ANO2: variants seen among roughly 807,000 people sequenced by gnomAD.
The protein encoded by ANO2 is anoctamin 2, also known as anoctamin-2.
ANO2 carries 101 observed loss-of-function variants against 124.2 expected under a neutral mutation model. The observed-to-expected ratio is 0.81, with a 90% CI of 0.69 to 0.96. The LOEUF is 0.96. ANO2 is among the 40% of genes least tolerant of loss of function. ANO2 has a pLI of 0.00. For synonymous variants in ANO2, 486 were observed against 482.5 expected (o/e 1.01, Z -0.09); for missense variants, 1,293 against 1,274.5 (o/e 1.01, Z -0.22).
intron 14 of ANO2, among the ~76,000 whole-genome samples, chr12:5,656,780 C>G (rs1381902958): frequency 2.0e-5 from 3 of 152,228 alleles, no homozygotes; most frequent in African/African-American, 4.8e-5. Flanking sequence ...TAGCATTTAA[C>G]CAGCCTCACT....
rs1224214975 is a variant in ANO2, at chr12:5,612,780, G to T, written c.1987-24C>A. ...CACTGCAGGGAGAAGATAAGGAAAGGACCGGTTAGAACAAAAGGGAGCTCT... is the reference window on the plus strand; with the variant it reads ...CACTGCAGGGAGAAGATAAGGAAAGTACCGGTTAGAACAAAAGGGAGCTCT... On this transcript the variant is annotated intron_variant, in intron 18 of 24. Transcript: ENST00000682330. 4 of 1,612,746 alleles carry T rather than the reference G, an allele frequency of 2.5e-6. No homozygotes were observed. In the South Asian group the frequency reaches 4.4e-5, roughly 18 times the overall value.
chr12:5,771,167 A>G (rs1952068227), intron 10 of ANO2, among the ~76,000 whole-genome samples: 1 of 152,226 alleles, frequency 6.6e-6, no homozygotes, highest in African/African-American at 2.4e-5. Flanking sequence ...GGTGCATAGC[A>G]GTGGCTTAAT....
chr12:5,725,227 G>T (rs111704509), intron 14 of ANO2, among the ~76,000 whole-genome samples: 1 of 151,800 alleles, frequency 6.6e-6, no homozygotes, highest in Non-Finnish European at 1.5e-5. Flanking sequence ...TCACACACCC[G>T]CTCAAACACT....
At chr12:5,624,756 C>T (rs1238568338) in intron 16 of ANO2, among the ~76,000 whole-genome samples, 3 of 152,222 alleles carry the variant, frequency 2.0e-5, no homozygotes, top group East Asian at 3.9e-4. Context: ...CAACTGCAAC[C>T]GTTTTAGATT....
chr12:5,702,407 T>C (rs1949438972), intron 14 of ANO2, among the ~76,000 whole-genome samples: 1 of 152,150 alleles, frequency 6.6e-6, no homozygotes, highest in Non-Finnish European at 1.5e-5. Flanking sequence ...GGAGAAAATA[T>C]TTGCCATTCA....
At chr12:5,767,722 G>A (rs376538753) in intron 10 of ANO2, among the ~76,000 whole-genome samples, 53 of 152,268 alleles carry the variant, frequency 3.5e-4, no homozygotes, top group African/African-American at 1.0e-3. Flanking sequence ...CTACTTGTCC[G>A]CATGGGCCCT....
intron 14 of ANO2, among the ~76,000 whole-genome samples, chr12:5,705,658 A>G (rs1446110222): frequency 6.6e-6 from 1 of 152,166 alleles, no homozygotes; most frequent in African/African-American, 2.4e-5. Context: ...CCCCAATACT[A>G]TTGCTTTTGG....
At chr12:5,722,389 C>A (rs1455802813) in intron 14 of ANO2, among the ~76,000 whole-genome samples, 2 of 152,092 alleles carry the variant, frequency 1.3e-5, no homozygotes, top group Non-Finnish European at 2.9e-5. Flanking sequence ...CGCCTGTAGT[C>A]CCAGCTACTC....
chr12:5,605,225 C>G (rs998471367), intron 19 of ANO2, among the ~76,000 whole-genome samples: 1 of 152,186 alleles, frequency 6.6e-6, no homozygotes, highest in Non-Finnish European at 1.5e-5. Flanking sequence ...TGACAAGGTT[C>G]AAATTTGTTC....
At chr12:5,625,222 G>T (rs1039773367) in intron 16 of ANO2, among the ~76,000 whole-genome samples, 1 of 152,086 alleles carries the variant, frequency 6.6e-6, no homozygotes, top group African/African-American at 2.4e-5. Flanking sequence ...AGACAGAAGT[G>T]GAAGCAGACA....
chr12:5,938,337 G>A (rs1205137762), intron 1 of ANO2, among the ~76,000 whole-genome samples: 5 of 152,140 alleles, frequency 3.3e-5, no homozygotes, highest in Admixed American at 3.3e-4. Flanking sequence ...TCTTCTTTCA[G>A]GGATTGTACT....
At chr12:5,855,766 T>C (rs1296771481) in intron 3 of ANO2, among the ~76,000 whole-genome samples, 4 of 152,224 alleles carry the variant, frequency 2.6e-5, no homozygotes, top group Non-Finnish European at 5.9e-5. Context: ...GTAAATGATT[T>C]GCCCAAAGTT....
At chr12:5,882,701 T>C (rs1198097706) in intron 3 of ANO2, among the ~76,000 whole-genome samples, 1 of 152,114 alleles carries the variant, frequency 6.6e-6, no homozygotes, top group East Asian at 1.9e-4. Flanking sequence ...GCAAAAGGAA[T>C]GGAGAACAGG....
chr12:5,742,385 C>T (rs1951123617), intron 12 of ANO2, among the ~76,000 whole-genome samples: 2 of 152,128 alleles, frequency 1.3e-5, no homozygotes, highest in Non-Finnish European at 1.5e-5. Flanking sequence ...AAAACAAAAC[C>T]AAATCCTACC....
chr12:5,866,699 T>G (rs1955436416), intron 3 of ANO2, among the ~76,000 whole-genome samples: 1 of 152,346 alleles, frequency 6.6e-6, no homozygotes, highest in Middle Eastern at 3.4e-3. Context: ...TGAAACTGAA[T>G]GGAGCCTGGG....
At chr12:5,797,657 C>A (rs1952905471) in intron 10 of ANO2, among the ~76,000 whole-genome samples, 2 of 152,126 alleles carry the variant, frequency 1.3e-5, no homozygotes, top group Non-Finnish European at 2.9e-5. Flanking sequence ...GGATGACAAC[C>A]ACCATCACCA....
At chr12:5,674,856 T>C (rs1458058062) in intron 14 of ANO2, among the ~76,000 whole-genome samples, 2 of 152,186 alleles carry the variant, frequency 1.3e-5, no homozygotes, top group African/African-American at 4.8e-5. Flanking sequence ...AGCAGAGTAT[T>C]GGTAGGTTGT....
intron 7 of ANO2, among the ~76,000 whole-genome samples, chr12:5,820,754 T>G (rs1316768455): frequency 1.3e-5 from 2 of 152,258 alleles, no homozygotes; most frequent in Non-Finnish European, 2.9e-5. Context: ...CCATTTGGCC[T>G]GTGCAGAAGA....
At chr12:5,576,134 A>T in intron 22 of ANO2, 119 bp from the exon 23 acceptor site, 1 of 1,045,542 alleles carries the variant, frequency 9.6e-7, no homozygotes, top group Non-Finnish European at 1.3e-6. Context: ...ATGCAGCATG[A>T]TCAGGTCCCT....
Sources: allele counts gnomAD v4.1 joint callset (sites outside exome capture counted in the v4.1 genomes callset), GRCh38; gene constraint gnomAD v4.1.1; transcripts MANE v1.5; gene names NCBI Gene and HGNC (gene_info 2026-07-23, HGNC 2026-07-21).